TSPAN15: variants seen among roughly 807,000 people sequenced by gnomAD.
TSPAN15 encodes the protein tetraspanin-15.
In TSPAN15, 20 loss-of-function variants were observed where a neutral mutation model predicts 34.5. That is an observed-to-expected ratio of 0.58 (90% CI 0.41 to 0.84). TSPAN15 has a LOEUF of 0.84. Ranked by LOEUF, TSPAN15 falls within the 40% of genes least tolerant of loss-of-function variation. The probability of loss-of-function intolerance (pLI) is 0.00; values close to 1 mark genes in which losing one functional copy is unlikely to be tolerated. For missense variants in TSPAN15, 313 were observed against 386.1 expected (o/e 0.81, Z 1.59); for synonymous variants, 155 against 153.9 (o/e 1.01, Z -0.05).
At chr10:69,492,804 T>C (rs890202119) in intron 3 of TSPAN15, among the ~76,000 whole-genome samples, 1 of 152,154 alleles carries the variant, frequency 6.6e-6, no homozygotes, top group Non-Finnish European at 1.5e-5. Context: ...TTGGCAGCCC[T>C]GGGAGAGTCC....
At chr10:69,523,569 T>G in the TSPAN15 span, 1 of 339,656 alleles carries the variant, frequency 2.9e-6, no homozygotes. Context: ...GGGTGTCATG[T>G]ACCCGATAGG....
In TSPAN15 at chr10:69,507,382, G is replaced by T; in HGVS notation, c.*404G>T. On this transcript the variant is annotated 3_prime_UTR_variant, in exon 8 of 8. Coordinates refer to ENST00000373290, the MANE Select transcript of TSPAN15 (RefSeq NM_012339.5). Reference sequence around the variant, plus strand: ...GGGAGTGTGCCCCTCGGGGCAGGAGGGAAGGGCATCTGGGGAAGGGCAGGA... The same window carrying T: ...GGGAGTGTGCCCCTCGGGGCAGGAGTGAAGGGCATCTGGGGAAGGGCAGGA... 2 of 1,221,044 alleles carry T rather than the reference G, an allele frequency of 1.6e-6. No individual in the cohort carries two copies. Among genetic ancestry groups the T allele is most frequent in the Non-Finnish European group, 2.1e-6 (2 of 959,492 alleles). The allele number at this position is 1,221,044 out of a possible 1,614,324, so 75.6% of individuals were successfully genotyped here.
chr10:69,501,766 G>A (rs547230548), intron 5 of TSPAN15, among the ~76,000 whole-genome samples: 12 of 152,282 alleles, frequency 7.9e-5, no homozygotes, highest in Non-Finnish European at 1.0e-4. Context: ...GAACCAGGTC[G>A]CACAACAGGA....
intron 1 of TSPAN15, among the ~76,000 whole-genome samples, chr10:69,453,606 A>G (rs1276254170): frequency 6.6e-6 from 1 of 152,274 alleles, no homozygotes; most frequent in Non-Finnish European, 1.5e-5. Context: ...GAATAAGTGA[A>G]TCTCTGCCCT....
At chr10:69,453,276 A>AG (rs1047362718) in intron 1 of TSPAN15, among the ~76,000 whole-genome samples, 1 of 152,128 alleles carries the variant, frequency 6.6e-6, no homozygotes, top group African/African-American at 2.4e-5. Flanking sequence ...GCCCTGGCAT[A>AG]GGTATTTATT....
At chr10:69,527,608 A>AT in the TSPAN15 span, among the ~76,000 whole-genome samples, 32 of 146,480 alleles carry the variant, frequency 2.2e-4, 1 homozygote, top group Admixed American at 3.6e-4. Flanking sequence ...AAAAAAAAAA[A>AT]TTTAAGAAAG....
At chr10:69,470,817 T>C (rs990369649) in intron 1 of TSPAN15, among the ~76,000 whole-genome samples, 1 of 152,220 alleles carries the variant, frequency 6.6e-6, no homozygotes, top group Non-Finnish European at 1.5e-5. Context: ...TCAAGTCTTC[T>C]CAGTGGCCTC....
chr10:69,540,021 G>T, the TSPAN15 span, among the ~76,000 whole-genome samples: 1 of 151,526 alleles, frequency 6.6e-6, no homozygotes, highest in East Asian at 2.0e-4. Flanking sequence ...CACCTGAATA[G>T]TTGGGATTAC....
chr10:69,532,310 T>C, the TSPAN15 span, among the ~76,000 whole-genome samples: 1 of 152,186 alleles, frequency 6.6e-6, no homozygotes, highest in African/African-American at 2.4e-5. Flanking sequence ...CAAAACAGCA[T>C]GGTGCTGGTA....
intron 3 of TSPAN15, chr10:69,494,998 C>T (rs954872560): frequency 2.1e-5 from 10 of 475,062 alleles, no homozygotes; most frequent in Admixed American, 1.3e-4. Flanking sequence ...CGAGGGGGAC[C>T]GAGTGCTGCA....
chr10:69,499,914 G>A (rs756082405), intron 5 of TSPAN15, among the ~76,000 whole-genome samples: 1 of 152,146 alleles, frequency 6.6e-6, no homozygotes, highest in Non-Finnish European at 1.5e-5. Flanking sequence ...GGAGCACAGC[G>A]GAGGATGGTA....
the TSPAN15 span, among the ~76,000 whole-genome samples, chr10:69,545,225 G>A: frequency 2.0e-5 from 3 of 152,104 alleles, no homozygotes; most frequent in South Asian, 6.2e-4. Context: ...GCTGAGGGAG[G>A]GGCAGTGCTT....
At chr10:69,539,429 G>GAA in the TSPAN15 span, among the ~76,000 whole-genome samples, 3 of 129,262 alleles carry the variant, frequency 2.3e-5, no homozygotes, top group East Asian at 4.5e-4. Flanking sequence ...GAAGAAGAAA[G>GAA]AAGAAGAAGA....
intron 1 of TSPAN15, among the ~76,000 whole-genome samples, chr10:69,465,912 C>T (rs182167102): frequency 1.2e-3 from 176 of 152,342 alleles, no homozygotes; most frequent in African/African-American, 4.0e-3. Context: ...TGTAACTTTA[C>T]GTAGAAGTTA....
intron 3 of TSPAN15, among the ~76,000 whole-genome samples, chr10:69,489,691 T>TGGCTCTGACCCCA (rs1191788938): frequency 1.3e-5 from 2 of 152,248 alleles, no homozygotes; most frequent in Non-Finnish European, 2.9e-5. Context: ...AAACTCCCCC[T>TGGCTCTGACCCCA]GGCTCTGACC....
At chr10:69,536,757 G>A in the TSPAN15 span, among the ~76,000 whole-genome samples, 3 of 152,086 alleles carry the variant, frequency 2.0e-5, no homozygotes, top group African/African-American at 7.2e-5. Context: ...GGACGAGGCG[G>A]GTGGATCACT....
At chr10:69,536,368 G>T in the TSPAN15 span, among the ~76,000 whole-genome samples, 14 of 152,212 alleles carry the variant, frequency 9.2e-5, no homozygotes, top group African/African-American at 3.1e-4. Flanking sequence ...CATCTTCCAG[G>T]TACCAGACAC....
the TSPAN15 span, among the ~76,000 whole-genome samples, chr10:69,540,692 A>G: frequency 9.9e-5 from 15 of 152,118 alleles, no homozygotes; most frequent in African/African-American, 3.6e-4. Flanking sequence ...ACATGCTTGC[A>G]TGCTGGAGGG....
chr10:69,464,912 C>G (rs1485851712), intron 1 of TSPAN15, among the ~76,000 whole-genome samples: 1 of 152,206 alleles, frequency 6.6e-6, no homozygotes, highest in Non-Finnish European at 1.5e-5. Context: ...AGAGGCCTGA[C>G]TTATGACTTC....
Sources: gnomAD v4.1 joint callset for allele counts (sites outside exome capture counted in the v4.1 genomes callset) on GRCh38, gnomAD v4.1.1 for gene constraint, MANE v1.5 for transcripts, NCBI Gene and HGNC (gene_info 2026-07-23, HGNC 2026-07-21) for gene names.